The following EFHD1 variants were observed in gnomAD, a reference collection of about 807,000 sequenced individuals.
EFHD1 encodes the protein EF-hand domain family member D1.
A neutral mutation model predicts 17.2 loss-of-function variants in EFHD1; 10 were observed. That is an observed-to-expected ratio of 0.58 (90% confidence interval 0.36 to 0.99). EFHD1 has a LOEUF of 0.99. Among genes scored for constraint, EFHD1 ranks in the 50% least tolerant of loss-of-function variants. EFHD1 has a pLI of 0.01. For missense variants in EFHD1, 310 were observed against 327.5 expected, an observed-to-expected ratio of 0.95 and a Z score of 0.41; for synonymous variants, 153 against 142.0, an observed-to-expected ratio of 1.08 and a Z score of -0.55.
chr2:232,660,531 A>G (rs1156359898), intron 1 of EFHD1, among the ~76,000 whole-genome samples: 5 of 151,974 alleles, frequency 3.3e-5, no homozygotes, highest in Admixed American at 2.0e-4. Flanking sequence ...GGGTCTCACT[A>G]CATTGCCCAG....
At chr2:232,663,054 G>A (rs1437282146) in intron 2 of EFHD1, 105 bp downstream of exon 2, 1 of 1,289,986 alleles carries the variant, frequency 7.8e-7, no homozygotes, top group African/African-American at 1.6e-5. Context: ...CCAGAGCGCT[G>A]TTTGCGTATC....
Position 232,633,808 on chromosome 2 carries a change from A to G in EFHD1, c.104A>G (p.Glu35Gly). The change falls in exon 1 of 4, where the codon GAG (glutamate) becomes GGG (glycine). Residue 35 changes from glutamate (E) to glycine (G), a missense_variant. Coordinates refer to ENST00000264059, the MANE Select transcript of EFHD1 (RefSeq NM_025202.4). ...GCTCCCCTCGGCGCCCCAGCCCCGG[A>G]GCCCAAGCCCGAGCCCGAGCCTCCC... Reference protein sequence around the residue: ...QLAPLGAPAPEPKPEPEPPAR... With the variant: ...QLAPLGAPAPGPKPEPEPPAR... 1 of 1,456,552 alleles carries G rather than the reference A, an allele frequency of 6.9e-7. No individual in the cohort carries two copies. The highest frequency in any genetic ancestry group is 9.0e-7 in the Non-Finnish European group (1 of 1,113,390). The allele number at this position is 1,456,552 out of a possible 1,614,324, so 90.2% of individuals were successfully genotyped here. A position where few individuals can be genotyped will look rare whatever the true frequency, so the allele number is the denominator to read the frequency against.
intron 2 of EFHD1, among the ~76,000 whole-genome samples, chr2:232,669,337 G>A (rs533831620): frequency 2.0e-5 from 3 of 152,186 alleles, no homozygotes; most frequent in Non-Finnish European, 4.4e-5. Context: ...CGGCCTCTCC[G>A]TGGGCATCTT....
chr2:232,649,502 C>G (rs1003641556), intron 1 of EFHD1, among the ~76,000 whole-genome samples: 5 of 152,108 alleles, frequency 3.3e-5, no homozygotes, highest in African/African-American at 1.2e-4. Context: ...TGGGTTTTCC[C>G]CAGAAAGCTA....
At chr2:232,653,322 A>T (rs1441328268) in intron 1 of EFHD1, among the ~76,000 whole-genome samples, 1 of 149,646 alleles carries the variant, frequency 6.7e-6, no homozygotes, top group African/African-American at 2.5e-5. Context: ...ATGGAGTCTC[A>T]CTCTGTCGCC....
At chr2:232,660,411 G>C (rs1001260676) in intron 1 of EFHD1, among the ~76,000 whole-genome samples, 6 of 151,798 alleles carry the variant, frequency 4.0e-5, no homozygotes, top group Admixed American at 3.3e-4. Context: ...AGCCAGGATG[G>C]TCTCGATCTT....
chr2:232,680,148 G>C (rs1695249956), intron 3 of EFHD1, among the ~76,000 whole-genome samples: 1 of 152,030 alleles, frequency 6.6e-6, no homozygotes, highest in South Asian at 2.1e-4. Flanking sequence ...GATGACGTGT[G>C]CCTGTAATCC....
intron 2 of EFHD1, among the ~76,000 whole-genome samples, chr2:232,667,540 A>AATTAATTTATTT (rs1215290095): frequency 1.3e-5 from 2 of 150,284 alleles, no homozygotes; most frequent in African/African-American, 4.9e-5. Flanking sequence ...TTAATTAATT[A>AATTAATTTATTT]ATTTATTTAT....
At chr2:232,667,574 C>A (rs893811540) in intron 2 of EFHD1, among the ~76,000 whole-genome samples, 1 of 150,912 alleles carries the variant, frequency 6.6e-6, no homozygotes, top group Admixed American at 6.6e-5. Context: ...TATTTTGAGA[C>A]GGAGTTTTGC....
intron 2 of EFHD1, among the ~76,000 whole-genome samples, chr2:232,671,180 A>C (rs1159592546): frequency 6.6e-6 from 1 of 152,094 alleles, no homozygotes; most frequent in African/African-American, 2.4e-5. Flanking sequence ...CACACCTGTA[A>C]TTTCAGCACT....
chr2:232,609,054 C>CT (rs1244427931), intron 1 of EFHD1, among the ~76,000 whole-genome samples: 27,254 of 82,324 alleles, frequency 0.33, 5,643 homozygotes, highest in Middle Eastern at 0.41. Context: ...TGCATAAGTT[C>CT]TTTTTTTTTT....
chr2:232,615,407 G>A (rs990890856), intron 1 of EFHD1, among the ~76,000 whole-genome samples: 4 of 151,534 alleles, frequency 2.6e-5, no homozygotes, highest in Non-Finnish European at 4.4e-5. Context: ...ACGCACCAGA[G>A]TAACCATAAT....
At chr2:232,675,804 G>C (rs1410180573) in intron 3 of EFHD1, among the ~76,000 whole-genome samples, 2 of 152,108 alleles carry the variant, frequency 1.3e-5, no homozygotes, top group Non-Finnish European at 2.9e-5. Context: ...AAGTCTCAGT[G>C]TTCATCACTC....
chr2:232,621,643 G>A (rs1694020700), intron 1 of EFHD1, among the ~76,000 whole-genome samples: 1 of 152,050 alleles, frequency 6.6e-6, no homozygotes, highest in African/African-American at 2.4e-5. Flanking sequence ...GTAGAGACGG[G>A]GTTTCACCAT....
chr2:232,607,673 T>A lies in EFHD1; in HGVS notation c.14+1500T>A, dbSNP rs542565961. ...CAGGAGACTGAGGTGAGAGAATAGCTTAAGCCCAGCATCAAGGCTGCAGTG... is the reference window on the plus strand; with the variant it reads ...CAGGAGACTGAGGTGAGAGAATAGCATAAGCCCAGCATCAAGGCTGCAGTG... On this transcript the variant is annotated intron_variant, in intron 1 of 3. Coordinates refer to the EFHD1 transcript ENST00000409613. Among the ~76,000 whole-genome samples the A allele has an allele frequency of 4.0e-5, 6 of 151,790 alleles. No individual in the cohort carries two copies. In the South Asian group the frequency reaches 1.3e-3, roughly 32 times the overall value.
intron 1 of EFHD1, among the ~76,000 whole-genome samples, chr2:232,637,343 CTTTTTT>C (rs575182576): frequency 7.8e-6 from 1 of 127,682 alleles, no homozygotes; most frequent in Non-Finnish European, 1.7e-5. Context: ...CATGGCCTTC[CTTTTTT>C]TTTTTTTTTT....
At chr2:232,608,948 A>G (rs967859629) in intron 1 of EFHD1, among the ~76,000 whole-genome samples, 5 of 151,894 alleles carry the variant, frequency 3.3e-5, no homozygotes, top group Non-Finnish European at 7.4e-5. Flanking sequence ...AATAAAATAC[A>G]ATGAAAAAGC....
intron 1 of EFHD1, 182 bp from the exon 2 acceptor site, chr2:232,662,620 C>T: frequency 1.6e-6 from 1 of 637,724 alleles, no homozygotes; most frequent in Non-Finnish European, 2.4e-6. Context: ...TGCTTTGAGT[C>T]ATACAAAGCC....
chr2:232,640,937 G>A (rs1441741366), intron 1 of EFHD1, among the ~76,000 whole-genome samples: 1 of 152,224 alleles, frequency 6.6e-6, no homozygotes, highest in African/African-American at 2.4e-5. Context: ...CTTGATCTCA[G>A]TGGTGAGTGC....
Sources: gnomAD v4.1 joint callset for allele counts (sites outside exome capture counted in the v4.1 genomes callset) on GRCh38, gnomAD v4.1.1 for gene constraint, MANE v1.5 for transcripts, NCBI Gene and HGNC (gene_info 2026-07-23, HGNC 2026-07-21) for gene names.